SGIP1: variants seen among roughly 807,000 people sequenced by gnomAD.
SGIP1 encodes SH3-containing GRB2-like protein 3-interacting protein 1.
A neutral mutation model predicts 107.5 loss-of-function variants in SGIP1; 38 were observed. The ratio of observed to expected loss-of-function variants is 0.35; its 90% confidence interval spans 0.27 to 0.46. The LOEUF (loss-of-function observed/expected upper bound fraction) is 0.46. SGIP1 is among the 20% of genes least tolerant of loss of function. The pLI, the probability that SGIP1 is intolerant of heterozygous loss-of-function variation, is 1.00. For synonymous variants in SGIP1, 365 were observed against 366.1 expected (o/e 1.00, Z 0.03); for missense variants, 929 against 1,019.5 (o/e 0.91, Z 1.21).
chr1:66,600,696 AG>A (rs2065631352), intron 1 of SGIP1, among the ~76,000 whole-genome samples: 1 of 152,220 alleles, frequency 6.6e-6, no homozygotes, highest in Non-Finnish European at 1.5e-5. Context: ...GAGAGCAACC[AG>A]TAAAGCCAGT....
intron 17 of SGIP1, among the ~76,000 whole-genome samples, chr1:66,691,042 C>T (rs1471607479): frequency 6.6e-6 from 1 of 152,186 alleles, no homozygotes; most frequent in Non-Finnish European, 1.5e-5. Context: ...TTTTCCACCT[C>T]CCAGCAGGAG....
chr1:66,631,022 GGAAA>G (rs2074444838), intron 2 of SGIP1, among the ~76,000 whole-genome samples: 1 of 119,476 alleles, frequency 8.4e-6, no homozygotes, highest in Non-Finnish European at 1.7e-5. Context: ...GGAAGGGAAA[GGAAA>G]GGAAGGAAGG....
chr1:66,707,805 A>G (rs982866068), intron 18 of SGIP1, among the ~76,000 whole-genome samples: 5 of 151,980 alleles, frequency 3.3e-5, no homozygotes, highest in African/African-American at 9.7e-5. Flanking sequence ...TTTTTTCATT[A>G]TCCCTCTTTC....
chr1:66,574,002 G>A (rs1284398934), intron 1 of SGIP1, among the ~76,000 whole-genome samples: 1 of 152,094 alleles, frequency 6.6e-6, no homozygotes, highest in African/African-American at 2.4e-5. Context: ...AATGCTTGCT[G>A]GTCTATCAAA....
intron 1 of SGIP1, among the ~76,000 whole-genome samples, chr1:66,624,989 G>C (rs539276211): frequency 6.6e-6 from 1 of 152,242 alleles, no homozygotes; most frequent in East Asian, 1.9e-4. Context: ...GAAGATATTT[G>C]AAATCACAAA....
rs117477526 is a variant in SGIP1, at chr1:66,739,288, A to G, written c.2032-47A>G. 8.2e-4 allele frequency: 1,295 copies of G among 1,583,414 alleles called. 23 individuals carry two copies. The East Asian group carries it at 0.026, about 32-fold the overall frequency. On this transcript the variant is annotated intron_variant, in intron 21 of 24. Transcript: ENST00000371037. ...TATGACATTTTGTTTGATGTCTAAG[A>G]ACATCCCTGTCATATGTTGTTATTT...
intron 8 of SGIP1, among the ~76,000 whole-genome samples, chr1:66,662,262 T>G (rs1453990006): frequency 1.3e-5 from 2 of 152,224 alleles, no homozygotes; most frequent in East Asian, 3.8e-4. Context: ...AAAACGAGAC[T>G]ACAGAAAAGT....
In SGIP1 at chr1:66,741,420, G is replaced by T. The variant is rs771579559; in HGVS notation, c.2448G>T (p.Lys816Asn). Residue 816 changes from lysine (K) to asparagine (N), a missense_variant, in exon 24 of 25, where the codon AAG (lysine) becomes AAT (asparagine). By Grantham distance (94) the Lys-to-Asn change is moderately conservative. This residue lies in a region of SGIP1 where 341 missense variants were observed against 430.9 expected (regional missense o/e 0.79). Transcript: ENST00000371037. The stretch of plus-strand genomic sequence containing the variant: ...CAGGGTATCGATTTTCACTCATCAA[G>T]AAAAGGTTTGCTGCAGGTAAATGAG... ...VGAGYRFSLI[K>N]KRFAAGKYLA... 1 of 1,581,210 alleles carries T rather than the reference G, an allele frequency of 6.3e-7. No homozygotes were observed. Among genetic ancestry groups the T allele is most frequent in the East Asian group, 2.3e-5 (1 of 43,754 alleles).
In SGIP1 at chr1:66,667,553, C is replaced by G. The variant is rs746441503; in HGVS notation, c.483+12C>G. 6.2e-7 allele frequency: 1 copy of G among 1,613,376 alleles called. No homozygotes were observed. Among genetic ancestry groups the G allele is most frequent in the South Asian group, 1.1e-5 (1 of 91,060 alleles). ...AGAGGCGCAGCCCGGTAAGAACTCT[C>G]AACATTTTTACCTTAAACATGTATA... is the stretch of plus-strand genomic sequence containing the variant. On this transcript the variant is annotated intron_variant, in intron 9 of 24. Coordinates refer to ENST00000371037, the MANE Select transcript of SGIP1 (RefSeq NM_032291.4).
intron 19 of SGIP1, among the ~76,000 whole-genome samples, chr1:66,723,169 A>C (rs1442660259): frequency 6.6e-6 from 1 of 152,190 alleles, no homozygotes; most frequent in Non-Finnish European, 1.5e-5. Context: ...TTCTATCACC[A>C]GGTGGAAATA....
intron 18 of SGIP1, among the ~76,000 whole-genome samples, chr1:66,699,533 C>A (rs146631563): frequency 1.3e-5 from 2 of 152,136 alleles, no homozygotes; most frequent in East Asian, 3.8e-4. Flanking sequence ...CCACTTTACT[C>A]GGTACTCCAC....
At chr1:66,733,724 T>C (rs1203593167) in intron 20 of SGIP1, 24 bp from the exon 21 acceptor site, 1 of 1,605,110 alleles carries the variant, frequency 6.2e-7, no homozygotes, top group Admixed American at 1.7e-5. Context: ...TGCTACTCAA[T>C]CATTTTTCTT....
At chr1:66,541,153 C>G (rs1571021635) in intron 1 of SGIP1, among the ~76,000 whole-genome samples, 1 of 152,208 alleles carries the variant, frequency 6.6e-6, no homozygotes, top group African/African-American at 2.4e-5. Flanking sequence ...TTATGGCAAC[C>G]CTCTTCTGCA....
At chr1:66,598,460 C>T (rs184524671) in intron 1 of SGIP1, among the ~76,000 whole-genome samples, 1 of 152,304 alleles carries the variant, frequency 6.6e-6, no homozygotes, top group Non-Finnish European at 1.5e-5. Flanking sequence ...CTTTCAACCT[C>T]TGGCCACGTG....
intron 18 of SGIP1, among the ~76,000 whole-genome samples, chr1:66,710,714 A>G (rs1215347765): frequency 6.6e-6 from 1 of 152,212 alleles, no homozygotes; most frequent in African/African-American, 2.4e-5. Flanking sequence ...TGAAATTGCC[A>G]GTCTTAGGAA....
intron 1 of SGIP1, among the ~76,000 whole-genome samples, chr1:66,599,897 T>C (rs906866564): frequency 1.3e-5 from 2 of 152,194 alleles, no homozygotes; most frequent in Non-Finnish European, 2.9e-5. Context: ...TGAACTCCAA[T>C]TGAACACTAA....
chr1:66,717,650 G>T (rs1320000546), intron 18 of SGIP1, among the ~76,000 whole-genome samples: 1 of 152,042 alleles, frequency 6.6e-6, no homozygotes, highest in South Asian at 2.1e-4. Context: ...AAATAATAAC[G>T]TCCTCAGAGT....
rs2094573924 is a variant in SGIP1 at position 66,747,879 on chromosome 1, G to C, written c.*4784G>C. ...TACTCATTTTGCCACATGGTTTTCT[G>C]ATCAGCAATTTTTTTAAAAAATGGA... is the stretch of plus-strand genomic sequence containing the variant. On this transcript the variant is annotated 3_prime_UTR_variant, in exon 25 of 25. Coordinates refer to ENST00000371037, the MANE Select transcript of SGIP1 (RefSeq NM_032291.4). The C allele has an allele frequency of 6.6e-6, 1 of 151,850 alleles. No homozygotes were observed. Among genetic ancestry groups the C allele is most frequent in the African/African-American group, 2.4e-5 (1 of 41,376 alleles). The allele number at this position is 151,850 out of a possible 1,614,324, so 9.4% of individuals were successfully genotyped here.
chr1:66,736,071 C>T (rs2094219885), intron 21 of SGIP1, among the ~76,000 whole-genome samples: 1 of 148,490 alleles, frequency 6.7e-6, no homozygotes, highest in Non-Finnish European at 1.5e-5. Context: ...TATGTGTATA[C>T]ATATTTAAAT....
Sources: allele counts gnomAD v4.1 joint callset (sites outside exome capture counted in the v4.1 genomes callset), GRCh38; gene constraint gnomAD v4.1.1; regional missense constraint gnomAD v4.1.1; transcripts MANE v1.5; gene names NCBI Gene and HGNC (gene_info 2026-07-23, HGNC 2026-07-21).